SIGLEC10: variants seen among roughly 807,000 people sequenced by gnomAD.
SIGLEC10 encodes the protein sialic acid binding Ig like lectin 10, also known as sialic acid-binding Ig-like lectin 10.
In SIGLEC10, 45 loss-of-function variants were observed where a neutral mutation model predicts 68.3. The ratio of observed to expected loss-of-function variants is 0.66; its 90% CI spans 0.52 to 0.84. SIGLEC10 has a LOEUF of 0.84. Ranked by LOEUF, SIGLEC10 falls within the 40% of genes least tolerant of loss-of-function variation. The probability of loss-of-function intolerance (pLI) is 0.00; values close to 1 mark genes in which losing one functional copy is unlikely to be tolerated. For synonymous variants in SIGLEC10, 379 were observed against 370.8 expected (o/e 1.02, Z -0.26); for missense variants, 789 against 883.1 (o/e 0.89, Z 1.35).
chr19:51,412,006 G>C (rs957887023), intron 10 of SIGLEC10, among the ~76,000 whole-genome samples: 6 of 151,850 alleles, frequency 4.0e-5, no homozygotes, highest in African/African-American at 1.5e-4. Flanking sequence ...AGGGGGGCAT[G>C]GTGGTGGATG....
rs546225166 is a variant in SIGLEC10, at chr19:51,416,756, G to A, written c.616C>T (p.Pro206Ser). 1 of 1,614,252 alleles carries A rather than the reference G, an allele frequency of 6.2e-7. No homozygotes were observed. The highest frequency in any genetic ancestry group is 1.1e-5 in the South Asian group (1 of 91,088). The change falls in exon 3 of 11, where the codon CCC becomes TCC. Residue 206 changes from proline to serine, a missense_variant. Pro to Ser is a moderately conservative substitution (Grantham distance 74, BLOSUM62 -1). Transcript: ENST00000339313. ...GTGAGGTCGGTGTTGTGGTCCTGGG[G>A]TCTGGGCGTGAAGCTGAGCACTGAG... The part of the protein sequence containing the change: ...HFSVLSFTPR[P>S]QDHNTDLTCH...
rs145601049 is a variant in SIGLEC10, at chr19:51,414,849, C to A, written c.1590G>T (p.Gln530His). The A allele has an allele frequency of 4.3e-6, 7 of 1,614,104 alleles. 1 individual carries two copies. In the South Asian group the frequency reaches 7.7e-5, roughly 18 times the overall value. ...RCEAWNVHGAQSGSILQLPDK... is the reference protein window; with the variant it reads ...RCEAWNVHGAHSGSILQLPDK... ...CTGGCAGCTGCAGGATGGATCCACT[C>A]TGGGCCCCATGGACGTTCCAGGCCT... The change falls in exon 8 of 11, where the codon CAG (glutamine) becomes CAT (histidine). Residue 530 changes from glutamine to histidine, a missense_variant. Physicochemically the swap from Gln to His is conservative, Grantham distance 24. Coordinates refer to ENST00000339313, the MANE Select transcript of SIGLEC10 (RefSeq NM_033130.5). The surrounding 1 kb of genome is among the most constrained non-coding windows in gnomAD (Gnocchi z 4.1).
chr19:51,416,953 G>A lies in SIGLEC10; in HGVS notation c.422-3C>T. ...GACATCAGGCTTCTGAGTCAGGGCT[G>A]GGACAGAGACCGTGGTGGGAGATTC... On this transcript the variant is annotated splice_region_variant and splice_polypyrimidine_tract_variant and intron_variant, in intron 2 of 10. Transcript: ENST00000339313. 1.9e-6 allele frequency: 3 copies of A among 1,608,884 alleles called. No individual in the cohort carries two copies. The highest frequency in any genetic ancestry group is 1.1e-5 in the South Asian group (1 of 90,522).
intron 10 of SIGLEC10, 65 bp from the exon 11 acceptor site, chr19:51,411,436 C>A: frequency 1.3e-6 from 2 of 1,583,238 alleles, no homozygotes; most frequent in South Asian, 2.3e-5. Flanking sequence ...TACCACGCGT[C>A]GGGCACTGAT....
intron 3 of SIGLEC10, 62 bp from the exon 4 acceptor site, chr19:51,416,419 A>C (rs1988662364): frequency 6.2e-7 from 1 of 1,612,892 alleles, no homozygotes. Context: ...CCTGGAAAAA[A>C]CTCCCTCAGG....
At chr19:51,416,628 G>C (rs764094700) in intron 3 of SIGLEC10, 38 bp downstream of exon 3, 61 of 1,611,542 alleles carry the variant, frequency 3.8e-5, no homozygotes, top group Non-Finnish European at 5.1e-5. Context: ...CACCCACCGG[G>C]GCTGTCTGCA....
chr19:51,415,074 C>T lies in SIGLEC10; in HGVS notation c.1365G>A (p.Trp455Ter). Reference sequence around the variant, plus strand: ...AGCTGCAGTGCAGACCCTCAGCCTCCCAGGAGCAGGAGGGGCCCAGCAGCT... The same window carrying T: ...AGCTGCAGTGCAGACCCTCAGCCTCTCAGGAGCAGGAGGGGCCCAGCAGCT... ...SPKLLGPSCS[W>*]EAEGLHCSCS... is the part of the protein sequence containing the mutation. Residue 455 changes from tryptophan to a stop codon, truncating the protein, a stop_gained, in exon 8 of 11, where the codon TGG becomes TGA. Coordinates refer to ENST00000339313, the MANE Select transcript of SIGLEC10 (RefSeq NM_033130.5). LOFTEE classifies it high-confidence loss of function. 1 of 1,584,124 alleles carries T rather than the reference C, an allele frequency of 6.3e-7. No homozygotes were observed. The highest frequency in any genetic ancestry group is 8.6e-7 in the Non-Finnish European group (1 of 1,166,204).
intron 3 of SIGLEC10, 107 bp from the exon 4 acceptor site, chr19:51,416,464 G>A: frequency 1.2e-6 from 2 of 1,607,816 alleles, no homozygotes; most frequent in East Asian, 2.2e-5. Flanking sequence ...GAAGACAAGT[G>A]ACAACCAGCG....
In SIGLEC10 at chr19:51,410,909, A is replaced by C; in HGVS notation, c.*190T>G. The stretch of plus-strand genomic sequence containing the variant: ...GGCGATCTGCCCACCTCAACCTCCC[A>C]AAGTGCTGGGATTACAGGCGTGAGC... On this transcript the variant is annotated 3_prime_UTR_variant, in exon 11 of 11. Coordinates refer to ENST00000339313, the MANE Select transcript of SIGLEC10 (RefSeq NM_033130.5). 1 of 637,390 alleles carries C rather than the reference A, an allele frequency of 1.6e-6. No individual in the cohort carries two copies. Among genetic ancestry groups the C allele is most frequent in the South Asian group, 2.6e-5 (1 of 38,810 alleles). The allele number at this position is 637,390 out of a possible 1,614,324, so 39.5% of individuals were successfully genotyped here.
In SIGLEC10 at chr19:51,415,887, G is replaced by A; in HGVS notation, c.1024+11C>T. The A allele has an allele frequency of 2.5e-6, 4 of 1,612,448 alleles. No homozygotes were observed. The highest frequency in any genetic ancestry group is 3.4e-6 in the Non-Finnish European group (4 of 1,179,974). On this transcript the variant is annotated intron_variant, in intron 5 of 10. Coordinates refer to ENST00000339313, the MANE Select transcript of SIGLEC10 (RefSeq NM_033130.5). ...CCCAATGGACTCCAGGCCCCTGCTG[G>A]GCACACTCACACTGCACAGAGAGGT...
rs1987951405 is a variant in SIGLEC10 at position 51,411,029 on chromosome 19, CTG to C, written c.*68_*69del. On this transcript the variant is annotated 3_prime_UTR_variant, in exon 11 of 11. Coordinates refer to ENST00000339313, the MANE Select transcript of SIGLEC10 (RefSeq NM_033130.5). ...GAGGGAGAGAAGGAAACTTTGCACT[CTG>C]TTATCTTCAACCTCTTACTCTACCT... 2 of 1,519,624 alleles carry C rather than the reference CTG, an allele frequency of 1.3e-6. No individual in the cohort carries two copies. Among genetic ancestry groups the C allele is most frequent in the Admixed American group, 2.1e-5 (1 of 48,068 alleles). The allele number at this position is 1,519,624 out of a possible 1,614,324, so 94.1% of individuals were successfully genotyped here. A position where few individuals can be genotyped will look rare whatever the true frequency, so the allele number is the denominator to read the frequency against.
At chr19:51,416,193 G>T (rs1294630347) in intron 4 of SIGLEC10, 26 bp from the exon 5 acceptor site, 5 of 1,590,096 alleles carry the variant, frequency 3.1e-6, no homozygotes, top group Non-Finnish European at 4.3e-6. Context: ...AAAAAAAAAA[G>T]AGAGAAAGGG....
rs1988620394 is a variant in SIGLEC10, at chr19:51,416,178, AGG to A, written c.755-13_755-12del. The A allele has an allele frequency of 6.3e-7, 1 of 1,596,566 alleles. No individual in the cohort carries two copies. The highest frequency in any genetic ancestry group is 1.8e-5 in the Admixed American group (1 of 55,900). ...GCTGGGGCTCCAGGGCTGGAGTGGG[AGG>A]AAAAAAAAAAAAGAGAGAAAGGGAG... On this transcript the variant is annotated splice_polypyrimidine_tract_variant and intron_variant, in intron 4 of 10. Transcript: ENST00000339313.
rs1449678231 is a variant in SIGLEC10, at chr19:51,415,357, C to T, written c.1154G>A (p.Ser385Asn). 4.3e-6 allele frequency: 7 copies of T among 1,613,038 alleles called. No individual in the cohort carries two copies. Among genetic ancestry groups the T allele is most frequent in the Non-Finnish European group, 5.1e-6 (6 of 1,179,492 alleles). ...GGTCCAGCTCAGCCTGGCTGGGGGGCTGCTGTGTGTGACACAGACCAGGCA... is the reference window on the plus strand; with the variant it reads ...GGTCCAGCTCAGCCTGGCTGGGGGGTTGCTGTGTGTGACACAGACCAGGCA... ...SLCLVCVTHS[S>N]PPARLSWTQR... The change falls in exon 7 of 11, where the codon AGC becomes AAC. Residue 385 changes from serine (S) to asparagine (N), a missense_variant. Coordinates refer to ENST00000339313, the MANE Select transcript of SIGLEC10 (RefSeq NM_033130.5).
At position 51,416,106 on chromosome 19, in the gene SIGLEC10, C is replaced by T; in HGVS notation, c.816G>A (p.Leu272=). The T allele has an allele frequency of 1.2e-6, 2 of 1,608,456 alleles. No individual in the cohort carries two copies. The highest frequency in any genetic ancestry group is 1.1e-5 in the South Asian group (1 of 90,666). Residue 272 remains leucine (L), a synonymous_variant, in exon 5 of 11, where the codon CTG becomes CTA. Transcript: ENST00000339313. Reference sequence around the variant, plus strand: ...GGCTGTCAGCAGCACAGAGGAGCCGCAGGAACTGGCCTTTTTGGGCTTCCA... The same window carrying T: ...GGCTGTCAGCAGCACAGAGGAGCCGTAGGAACTGGCCTTTTTGGGCTTCCA... ...PYLEAQKGQF[L]RLLCAADSQP...
Position 51,417,207 on chromosome 19 carries a change from C to A in SIGLEC10, c.296G>T (p.Gly99Val), listed in dbSNP as rs1988783250. ...GTCTCTGATCACCAAGGAGCAGTTC[C>A]CCTTGGCGGGATCCCCAGTGAGCTG... ...RFQLTGDPAK[G>V]NCSLVIRDAQ... Residue 99 changes from glycine (G) to valine (V), a missense_variant, in exon 2 of 11, where the codon GGG becomes GTG. Transcript: ENST00000339313. 1 of 1,614,242 alleles carries A rather than the reference C, an allele frequency of 6.2e-7. No homozygotes were observed. The highest frequency in any genetic ancestry group is 2.2e-5 in the East Asian group (1 of 44,888).
rs938008215 is a variant in SIGLEC10, at chr19:51,414,250, C to T, written c.1709+172G>A. ...CTCAGCATTCCCTCTGGGAAGCAGA[C>T]GCAGTTTGTCAGTTGGACAACATTC... On this transcript the variant is annotated intron_variant, in intron 9 of 10. Coordinates refer to ENST00000339313, the MANE Select transcript of SIGLEC10 (RefSeq NM_033130.5). The surrounding 1 kb of genome is among the most constrained non-coding windows in gnomAD (Gnocchi z 4.1). 2.9e-5 allele frequency: 18 copies of T among 626,570 alleles called. No individual in the cohort carries two copies. The highest frequency in any genetic ancestry group is 5.8e-5 in the South Asian group (3 of 51,666). The allele number at this position is 626,570 out of a possible 1,614,324, so 38.8% of individuals were successfully genotyped here.
chr19:51,415,289 C>G lies in SIGLEC10; in HGVS notation c.1222G>C (p.Gly408Arg). Residue 408 changes from glycine (G) to arginine (R), a missense_variant, in exon 7 of 11, where the codon GGG becomes CGG. Physicochemically the swap from Gly to Arg is moderately radical, Grantham distance 125 (BLOSUM62 -2). Transcript: ENST00000339313. ...TGAACCCGAGGCAGCTCCAGGACCC[C>G]GGGGTCTGAGGGCTGGGAGGGGCTC... ...VLSPSQPSDP[G>R]VLELPRVQVE... 1 of 1,614,062 alleles carries G rather than the reference C, an allele frequency of 6.2e-7. No homozygotes were observed. The highest frequency in any genetic ancestry group is 8.5e-7 in the Non-Finnish European group (1 of 1,179,986).
Position 51,416,833 on chromosome 19 carries a change from C to T in SIGLEC10, c.539G>A (p.Trp180Ter). The change falls in exon 3 of 11, where the codon TGG becomes TAG. Residue 180 changes from tryptophan to a stop codon, truncating the protein, a stop_gained. Transcript: ENST00000339313. LOFTEE classifies it high-confidence loss of function. ...TTGGGAGGAGAGGGCAGCCCCCGTCCAGGAGAAAGAAGGGGGTGGACATTC... is the reference window on the plus strand; with the variant it reads ...TTGGGAGGAGAGGGCAGCCCCCGTCTAGGAGAAAGAAGGGGGTGGACATTC... ...FEECPPPSFS[W>*]TGAALSSQGT... 6.2e-7 allele frequency: 1 copy of T among 1,614,160 alleles called. No homozygotes were observed. The highest frequency in any genetic ancestry group is 8.5e-7 in the Non-Finnish European group (1 of 1,180,030).
Sources: gnomAD v4.1 joint callset for allele counts (sites outside exome capture counted in the v4.1 genomes callset) on GRCh38, gnomAD v4.1.1 for gene constraint, Gnocchi (gnomAD v3.1) non-coding constraint, MANE v1.5 for transcripts, NCBI Gene and HGNC (gene_info 2026-07-23, HGNC 2026-07-21) for gene names.